Variants in ATXN1 observed in about 807,000 individuals in gnomAD.
ATXN1 encodes ataxin-1.
In ATXN1, 8 loss-of-function variants were observed where a neutral mutation model predicts 56.4. That is an observed-to-expected ratio of 0.14 (90% CI 0.08 to 0.26). ATXN1 has a LOEUF of 0.26. Ranked by LOEUF, ATXN1 falls within the 10% of genes least tolerant of loss-of-function variation. The pLI, the probability that ATXN1 is intolerant of heterozygous loss-of-function variation, is 1.00. For missense variants in ATXN1, 987 were observed against 1,106.5 expected (o/e 0.89, Z 1.53); for synonymous variants, 514 against 494.6 (o/e 1.04, Z -0.52).
chr6:16,482,815 G>T (rs970516083), intron 6 of ATXN1, among the ~76,000 whole-genome samples: 1 of 152,292 alleles, frequency 6.6e-6, no homozygotes. Flanking sequence ...TTAACCCTAA[G>T]ACTGTGCTCA....
chr6:16,528,195 G>A (rs1761430105), intron 4 of ATXN1, among the ~76,000 whole-genome samples: 1 of 151,896 alleles, frequency 6.6e-6, no homozygotes, highest in African/African-American at 2.4e-5. Flanking sequence ...CAGCTACTCG[G>A]GAGGCTGAGG....
chr6:16,594,557 A>G (rs1762781940), intron 3 of ATXN1, among the ~76,000 whole-genome samples: 1 of 149,984 alleles, frequency 6.7e-6, no homozygotes, highest in South Asian at 2.1e-4. Flanking sequence ...ATCTCGGCTC[A>G]CTACAGCCTC....
chr6:16,656,387 A>C (rs1182769880), intron 3 of ATXN1, among the ~76,000 whole-genome samples: 1 of 152,202 alleles, frequency 6.6e-6, no homozygotes, highest in African/African-American at 2.4e-5. Flanking sequence ...TTTAAAGGCA[A>C]GTCGTTCCAA....
At chr6:16,486,166 T>A (rs1351182953) in intron 5 of ATXN1, 57 bp from the exon 6 acceptor site, 1 of 152,212 alleles carries the variant, frequency 6.6e-6, no homozygotes, top group Non-Finnish European at 1.5e-5. Flanking sequence ...ATCAAATCAC[T>A]TGTTATCTGA....
chr6:16,539,346 AC>A (rs1581831216), intron 4 of ATXN1, among the ~76,000 whole-genome samples: 1 of 152,286 alleles, frequency 6.6e-6, no homozygotes, highest in East Asian at 1.9e-4. Context: ...GAAAAAAGAA[AC>A]CCAGCCAACT....
chr6:16,640,168 G>A (rs903588686), intron 3 of ATXN1, among the ~76,000 whole-genome samples: 42 of 151,978 alleles, frequency 2.8e-4, no homozygotes, highest in Admixed American at 2.5e-3. Flanking sequence ...GCCACATTTC[G>A]GTAATACAGT....
chr6:16,664,315 G>T (rs751420029), intron 2 of ATXN1, among the ~76,000 whole-genome samples: 9 of 152,088 alleles, frequency 5.9e-5, no homozygotes, highest in Admixed American at 1.3e-4. Flanking sequence ...AATCAGATTC[G>T]CAAGTGAATT....
chr6:16,424,422 CCT>C (rs1181659506), intron 6 of ATXN1, among the ~76,000 whole-genome samples: 4 of 152,198 alleles, frequency 2.6e-5, no homozygotes, highest in South Asian at 2.1e-4. Flanking sequence ...TGATTTTACC[CCT>C]CTCTCTTTGC....
intron 4 of ATXN1, among the ~76,000 whole-genome samples, chr6:16,540,480 G>C (rs1323416156): frequency 6.6e-6 from 1 of 152,176 alleles, no homozygotes. Flanking sequence ...CCAGAGTGCT[G>C]GGATTACAGG....
intron 6 of ATXN1, among the ~76,000 whole-genome samples, chr6:16,359,417 A>G (rs1282976979): frequency 2.0e-5 from 3 of 152,134 alleles, no homozygotes; most frequent in Admixed American, 2.0e-4. Flanking sequence ...CAAAGGGGGC[A>G]GAGAGAGAAT....
At chr6:16,663,220 CG>C in intron 2 of ATXN1, among the ~76,000 whole-genome samples, 1 of 152,112 alleles carries the variant, frequency 6.6e-6, no homozygotes, top group South Asian at 2.1e-4. Context: ...CCACCCACCT[CG>C]GCCTCCCGAA....
chr6:16,594,597 C>T (rs1762782562), intron 3 of ATXN1, among the ~76,000 whole-genome samples: 1 of 151,916 alleles, frequency 6.6e-6, no homozygotes, highest in Admixed American at 6.6e-5. Flanking sequence ...ATTCTCCTGC[C>T]TCAGCCTCCC....
intron 4 of ATXN1, among the ~76,000 whole-genome samples, chr6:16,554,122 C>T (rs1001918728): frequency 6.6e-6 from 1 of 152,182 alleles, no homozygotes; most frequent in African/African-American, 2.4e-5. Context: ...TATGCCACAA[C>T]ACACAATCGT....
chr6:16,496,132 T>G (rs1463402447), intron 5 of ATXN1, among the ~76,000 whole-genome samples: 2 of 152,216 alleles, frequency 1.3e-5, no homozygotes, highest in African/African-American at 4.8e-5. Flanking sequence ...TCCGAGTAAC[T>G]GCCTCCTTGT....
chr6:16,373,555 C>T (rs912650643), intron 6 of ATXN1, among the ~76,000 whole-genome samples: 5 of 152,172 alleles, frequency 3.3e-5, no homozygotes, highest in African/African-American at 9.7e-5. Context: ...CATCCTGAAT[C>T]GTAGCTCCCA....
At chr6:16,489,325 A>G (rs1760611884) in intron 5 of ATXN1, among the ~76,000 whole-genome samples, 5 of 152,078 alleles carry the variant, frequency 3.3e-5, no homozygotes, top group Admixed American at 3.3e-4. Context: ...CTTTAAGCCC[A>G]TTTCACCTTT....
At chr6:16,467,022 C>G (rs894719664) in intron 6 of ATXN1, among the ~76,000 whole-genome samples, 1 of 152,192 alleles carries the variant, frequency 6.6e-6, no homozygotes, top group Non-Finnish European at 1.5e-5. Flanking sequence ...ACATAAATGA[C>G]TTCAACAGCC....
chr6:16,390,401 T>C (rs1758328438), intron 6 of ATXN1, among the ~76,000 whole-genome samples: 1 of 152,140 alleles, frequency 6.6e-6, no homozygotes, highest in Non-Finnish European at 1.5e-5. Flanking sequence ...CATCTTTCTC[T>C]CATACACTGC....
intron 2 of ATXN1, among the ~76,000 whole-genome samples, chr6:16,724,140 T>G (rs1016404000): frequency 1.3e-5 from 2 of 152,182 alleles, no homozygotes; most frequent in African/African-American, 4.8e-5. Flanking sequence ...ACATACTTCA[T>G]TGTCTTAAAC....
Sources: gnomAD v4.1 joint callset for allele counts (sites outside exome capture counted in the v4.1 genomes callset) on GRCh38, gnomAD v4.1.1 for gene constraint, MANE v1.5 for transcripts, NCBI Gene and HGNC (gene_info 2026-07-23, HGNC 2026-07-21) for gene names.